UTP6: variants seen among roughly 807,000 people sequenced by gnomAD.
The protein encoded by UTP6 is U3 small nucleolar RNA-associated protein 6 homolog.
A neutral mutation model predicts 96.5 loss-of-function variants in UTP6; 60 were observed. That is an observed-to-expected ratio of 0.62 (90% CI 0.51 to 0.77). The LOEUF is 0.77. Among genes scored for constraint, UTP6 ranks in the 30% least tolerant of loss-of-function variants. UTP6 has a pLI of 0.00. For synonymous variants in UTP6, 215 were observed against 240.1 expected, an observed-to-expected ratio of 0.90 and a Z score of 0.96; for missense variants, 637 against 706.5, an observed-to-expected ratio of 0.90 and a Z score of 1.12.
intron 2 of UTP6, among the ~76,000 whole-genome samples, chr17:31,898,278 T>C (rs984468415): frequency 1.2e-4 from 19 of 152,180 alleles, no homozygotes; most frequent in African/African-American, 4.6e-4. Flanking sequence ...GGCTCATGCC[T>C]GTAATTCCAG....
intron 14 of UTP6, among the ~76,000 whole-genome samples, chr17:31,874,593 T>C (rs1169085886): frequency 6.6e-6 from 1 of 151,682 alleles, no homozygotes; most frequent in Non-Finnish European, 1.5e-5. Flanking sequence ...TTTCCTACTT[T>C]ATCTTCTGGA....
intron 11 of UTP6, among the ~76,000 whole-genome samples, chr17:31,879,140 AT>A (rs1247488010): frequency 6.6e-6 from 1 of 152,216 alleles, no homozygotes; most frequent in East Asian, 1.9e-4. Context: ...CTGTAATCCC[AT>A]CACTTTGGGA....
chr17:31,876,734 G>C (rs1910523249), intron 13 of UTP6, among the ~76,000 whole-genome samples: 1 of 146,208 alleles, frequency 6.8e-6, no homozygotes, highest in African/African-American at 2.5e-5. Flanking sequence ...CAAATAGGCT[G>C]CGCTCAGTGG....
chr17:31,881,502 C>A (rs11080174), intron 10 of UTP6, among the ~76,000 whole-genome samples: 115,856 of 151,378 alleles, frequency 0.77, 44,666 homozygotes, highest in East Asian at 0.84. Flanking sequence ...CTCTTGACCT[C>A]AAGTGATCCT....
intron 6 of UTP6, 82 bp downstream of exon 6, chr17:31,892,178 T>G (rs536162705): frequency 1.4e-6 from 2 of 1,475,054 alleles, no homozygotes; most frequent in African/African-American, 2.8e-5. Context: ...ATAATTTCTC[T>G]TAGATTCATC....
chr17:31,890,754 G>C (rs1014026728), intron 6 of UTP6, among the ~76,000 whole-genome samples: 1 of 152,022 alleles, frequency 6.6e-6, no homozygotes, highest in Non-Finnish European at 1.5e-5. Context: ...GGGAGGCTGA[G>C]GTGCACAGAT....
In UTP6 at chr17:31,878,752, A is replaced by G; in HGVS notation, c.997T>C (p.Cys333Arg). 2 of 1,614,120 alleles carry G rather than the reference A, an allele frequency of 1.2e-6. No homozygotes were observed. The highest frequency in any genetic ancestry group is 1.7e-6 in the Non-Finnish European group (2 of 1,180,004). ...GACTTCTTAGTAAATCTTTCCAAGC[A>G]AAAGGTGATGTAACACTTCCACATG... ...EAMWKCYITF[C>R]LERFTKKSNS... The change falls in exon 12 of 19, where the codon TGC becomes CGC. Residue 333 changes from cysteine (C) to arginine (R), a missense_variant. Physicochemically the swap from Cys to Arg is radical, Grantham distance 180. Coordinates refer to ENST00000261708, the MANE Select transcript of UTP6 (RefSeq NM_018428.3).
At chr17:31,887,555 C>T (rs539597819) in intron 7 of UTP6, 7 of 384,708 alleles carry the variant, frequency 1.8e-5, no homozygotes, top group Non-Finnish European at 2.4e-5. Context: ...GATCTTGCTA[C>T]GTTGCTGCCT....
At chr17:31,888,216 G>A (rs1911264141) in intron 7 of UTP6, 1 of 151,772 alleles carries the variant, frequency 6.6e-6, no homozygotes. Context: ...ACAAGGCAAA[G>A]AAGCCAGAAG....
intron 13 of UTP6, among the ~76,000 whole-genome samples, chr17:31,875,820 C>CAAAA (rs1012799437): frequency 1.5e-5 from 1 of 65,798 alleles, no homozygotes; most frequent in Non-Finnish European, 3.1e-5. Flanking sequence ...AACTCTATCT[C>CAAAA]AAAAAAAAAA....
intron 16 of UTP6, among the ~76,000 whole-genome samples, chr17:31,871,850 G>A (rs778599089): frequency 4.6e-5 from 7 of 151,740 alleles, no homozygotes; most frequent in Non-Finnish European, 5.9e-5. Context: ...CCAAGATGGC[G>A]CCATTACACT....
intron 16 of UTP6, among the ~76,000 whole-genome samples, chr17:31,869,727 A>G (rs1409562449): frequency 2.0e-5 from 3 of 152,150 alleles, no homozygotes; most frequent in Non-Finnish European, 4.4e-5. Context: ...TTATGTGTGT[A>G]TATTGCGTGA....
At chr17:31,873,866 A>G in intron 14 of UTP6, 113 bp from the exon 15 acceptor site, 1 of 1,197,364 alleles carries the variant, frequency 8.4e-7, no homozygotes, top group Non-Finnish European at 1.1e-6. Context: ...ATAAAATGAC[A>G]GTTTAGTCCT....
chr17:31,869,820 A>G (rs2142291216), intron 16 of UTP6, among the ~76,000 whole-genome samples: 1 of 152,074 alleles, frequency 6.6e-6, no homozygotes, highest in East Asian at 1.9e-4. Flanking sequence ...CCTTTCCTCC[A>G]TTCCTCCTAC....
intron 10 of UTP6, among the ~76,000 whole-genome samples, chr17:31,882,679 C>A (rs1318200539): frequency 6.6e-6 from 1 of 152,196 alleles, no homozygotes; most frequent in Non-Finnish European, 1.5e-5. Flanking sequence ...TCTCTCAAAA[C>A]CCTGAAGATA....
At position 31,872,078 on chromosome 17, in the gene UTP6, C is replaced by T. The variant is rs578248324; in HGVS notation, c.1496+1300G>A. On this transcript the variant is annotated intron_variant, in intron 16 of 18. Coordinates refer to ENST00000261708, the MANE Select transcript of UTP6 (RefSeq NM_018428.3). Reference sequence around the variant, plus strand: ...GGCGTCGTGGCACATGCCTGTAATCCCAGCTACTCAGGAGGCTGAGGCAGG... The same window carrying T: ...GGCGTCGTGGCACATGCCTGTAATCTCAGCTACTCAGGAGGCTGAGGCAGG... Among the ~76,000 whole-genome samples, 23 of 151,802 alleles carry T rather than the reference C, an allele frequency of 1.5e-4. 1 individual carries two copies. Among genetic ancestry groups the T allele is most frequent in the African/African-American group, 5.1e-4 (21 of 41,414 alleles).
At position 31,886,019 on chromosome 17, in the gene UTP6, C is replaced by T. The variant is rs1364749050; in HGVS notation, c.664G>A (p.Ala222Thr). Residue 222 changes from alanine to threonine, a missense_variant, in exon 9 of 19, where the codon GCA becomes ACA. By Grantham distance (58) the Ala-to-Thr change is moderately conservative. Coordinates refer to ENST00000261708, the MANE Select transcript of UTP6 (RefSeq NM_018428.3). ...YSEEILKGEL[A>T]WIIYKNSVSI... ...ACAGAATTTTTGTAGATGATCCATG[C>T]CAACTCGCCCTTAAGGATTTCTTCA... 3.1e-6 allele frequency: 5 copies of T among 1,613,822 alleles called. No individual in the cohort carries two copies. Among genetic ancestry groups the T allele is most frequent in the Non-Finnish European group, 4.2e-6 (5 of 1,179,906 alleles).
rs147043256 is a variant in UTP6, at chr17:31,887,312, T to A, written c.545A>T (p.Tyr182Phe). ...HPECPKLYKEYFRMELMHAEK... is the reference protein window; with the variant it reads ...HPECPKLYKEFFRMELMHAEK... The stretch of plus-strand genomic sequence containing the variant: ...AGCATGCATCAGCTCCATCCTAAAG[T>A]ACTACAGAAGAGAAATAAACTGAAA... The change falls in exon 8 of 19, where the codon TAC becomes TTC. Residue 182 changes from tyrosine (Y) to phenylalanine (F), a missense_variant and splice_region_variant. Physicochemically the swap from Tyr to Phe is conservative, Grantham distance 22 (BLOSUM62 3). Coordinates refer to ENST00000261708, the MANE Select transcript of UTP6 (RefSeq NM_018428.3). 3.8e-4 allele frequency: 616 copies of A among 1,613,592 alleles called. 11 individuals carry two copies. In the Admixed American group the frequency reaches 0.01, roughly 27 times the overall value.
In UTP6 at chr17:31,880,898, G is replaced by T. The variant is rs1910793214; in HGVS notation, c.786-144C>A. 4 of 1,159,128 alleles carry T rather than the reference G, an allele frequency of 3.5e-6. No homozygotes were observed. The Admixed American group carries it at 7.1e-5, about 21-fold the overall frequency. 71.8% of individuals were successfully genotyped at this position (1,159,128 alleles called of 1,614,324 possible). A position where few individuals can be genotyped will look rare whatever the true frequency, so the allele number is the denominator to read the frequency against. On this transcript the variant is annotated intron_variant, in intron 10 of 18. Coordinates refer to ENST00000261708, the MANE Select transcript of UTP6 (RefSeq NM_018428.3). The stretch of plus-strand genomic sequence containing the variant: ...CCATAAAAACTATTTCCCAGGCCGG[G>T]CCCGGTGGCTCACGCCACTGGGAGA...
Sources: gnomAD v4.1 joint callset for allele counts (sites outside exome capture counted in the v4.1 genomes callset) on GRCh38, gnomAD v4.1.1 for gene constraint, MANE v1.5 for transcripts, NCBI Gene and HGNC (gene_info 2026-07-23, HGNC 2026-07-21) for gene names.